TBC1D5: variants seen among roughly 807,000 people sequenced by gnomAD.
TBC1D5 encodes TBC1 domain family member 5, also known as TBC1 domain family, member 5.
In TBC1D5, 75 loss-of-function variants were observed where a neutral mutation model predicts 100.3. That is an observed-to-expected ratio of 0.75 (90% CI 0.62 to 0.91). TBC1D5 has a LOEUF of 0.91. Ranked by LOEUF, TBC1D5 falls within the 40% of genes least tolerant of loss-of-function variation. TBC1D5 has a pLI of 0.00. For synonymous variants in TBC1D5, 323 were observed against 325.6 expected (o/e 0.99, Z 0.09); for missense variants, 910 against 942.4 (o/e 0.97, Z 0.45).
At chr3:17,273,809 CAA>C (rs11450142) in intron 15 of TBC1D5, among the ~76,000 whole-genome samples, 308 of 114,940 alleles carry the variant, frequency 2.7e-3, no homozygotes, top group African/African-American at 8.9e-3. Context: ...CTCTGTATCT[CAA>C]AAAAAAAAAA....
intron 19 of TBC1D5, among the ~76,000 whole-genome samples, chr3:17,176,659 G>C (rs2067773517): frequency 6.6e-6 from 1 of 152,032 alleles, no homozygotes; most frequent in South Asian, 2.1e-4. Context: ...GGAGGGTGAG[G>C]GGCTAGGGAA....
chr3:17,231,076 A>C (rs1323769879), intron 17 of TBC1D5, among the ~76,000 whole-genome samples: 1 of 152,102 alleles, frequency 6.6e-6, no homozygotes, highest in Non-Finnish European at 1.5e-5. Context: ...GAATCCAGAG[A>C]TGTGAAACCC....
chr3:17,327,833 C>T (rs926863746), intron 13 of TBC1D5, among the ~76,000 whole-genome samples: 6 of 151,944 alleles, frequency 3.9e-5, no homozygotes, highest in African/African-American at 9.7e-5. Flanking sequence ...TTTTTTTCCC[C>T]ATTACTGTAA....
intron 16 of TBC1D5, among the ~76,000 whole-genome samples, chr3:17,243,734 T>A (rs1415221465): frequency 1.2e-4 from 19 of 152,006 alleles, no homozygotes; most frequent in Non-Finnish European, 2.8e-4. Flanking sequence ...CTCCCAAACA[T>A]TAATGTTTTG....
chr3:17,455,192 G>GTA (rs906425147), intron 3 of TBC1D5, among the ~76,000 whole-genome samples: 27 of 141,904 alleles, frequency 1.9e-4, no homozygotes, highest in Admixed American at 1.5e-3. Flanking sequence ...ACGTGTGTGT[G>GTA]TATATATATG....
At chr3:17,347,237 T>C (rs569938719) in intron 13 of TBC1D5, among the ~76,000 whole-genome samples, 70 of 152,288 alleles carry the variant, frequency 4.6e-4, no homozygotes, top group Admixed American at 1.1e-3. Flanking sequence ...CAGGGAACAG[T>C]ATTCGTTTTT....
chr3:17,161,099 G>T, exon 22 of TBC1D5: 1 of 1,614,230 alleles, frequency 6.2e-7, no homozygotes, highest in Non-Finnish European at 8.5e-7. Flanking sequence ...GGAGCAGACT[G>T]GGGCCTGGCT....
chr3:17,205,577 C>G (rs1020120917), intron 18 of TBC1D5, among the ~76,000 whole-genome samples: 2 of 152,168 alleles, frequency 1.3e-5, no homozygotes, highest in Non-Finnish European at 2.9e-5. Context: ...ATACTTCAAG[C>G]GTAATTTACC....
At position 17,233,668 on chromosome 3, in the gene TBC1D5, T is replaced by C; in HGVS notation, c.1588+4495A>G. 1 of 1,453,520 alleles carries C rather than the reference T, an allele frequency of 6.9e-7. No individual in the cohort carries two copies. Among genetic ancestry groups the C allele is most frequent in the South Asian group, 1.3e-5 (1 of 77,132 alleles). The allele number at this position is 1,453,520 out of a possible 1,614,324, so 90.0% of individuals were successfully genotyped here. On this transcript the variant is annotated intron_variant, in intron 17 of 21. Transcript: ENST00000253692. ...AGGCAAAGAAAAAGAAACACTATGT[T>C]GTTATGGTAACTGTACCTTGGAGGT... is the stretch of plus-strand genomic sequence containing the variant.
intron 4 of TBC1D5, among the ~76,000 whole-genome samples, chr3:17,411,268 T>A (rs576698043): frequency 4.5e-4 from 69 of 152,252 alleles, no homozygotes; most frequent in African/African-American, 1.6e-3. Flanking sequence ...TATATGCTAT[T>A]GCATACTTAA....
intron 3 of TBC1D5, among the ~76,000 whole-genome samples, chr3:17,452,660 T>C (rs1404399308): frequency 6.6e-6 from 1 of 151,910 alleles, no homozygotes; most frequent in South Asian, 2.1e-4. Context: ...ATCCAACATA[T>C]AAAGCAAATA....
chr3:17,729,016 TAAAAAAAAA>T (rs34461809), intron 1 of TBC1D5, among the ~76,000 whole-genome samples: 2 of 29,604 alleles, frequency 6.8e-5, no homozygotes, highest in African/African-American at 1.1e-4. Context: ...TGAAAATCAG[TAAAAAAAAA>T]AAAAAAAAAA....
chr3:17,224,914 A>G (rs942370560), intron 17 of TBC1D5, among the ~76,000 whole-genome samples: 3 of 152,190 alleles, frequency 2.0e-5, no homozygotes, highest in Non-Finnish European at 4.4e-5. Flanking sequence ...TGGTGGTAGT[A>G]TTAATAAGGA....
chr3:17,597,812 G>A (rs951700408), intron 2 of TBC1D5, among the ~76,000 whole-genome samples: 8 of 152,098 alleles, frequency 5.3e-5, no homozygotes, highest in Non-Finnish European at 8.8e-5. Context: ...GCTCCATGCA[G>A]AACAAAAACT....
intron 15 of TBC1D5, among the ~76,000 whole-genome samples, chr3:17,267,606 T>C (rs772548124): frequency 6.6e-6 from 1 of 152,184 alleles, no homozygotes; most frequent in Non-Finnish European, 1.5e-5. Flanking sequence ...AACAGTTTAA[T>C]CAAGTAACCA....
chr3:17,728,950 G>C (rs1577853440), intron 1 of TBC1D5, among the ~76,000 whole-genome samples: 1 of 135,154 alleles, frequency 7.4e-6, no homozygotes, highest in East Asian at 2.4e-4. Flanking sequence ...ACAATGTTGG[G>C]AATATTTCCA....
In TBC1D5 at chr3:17,386,337, T is replaced by C. The variant is rs1373113785; in HGVS notation, c.510-2322A>G. Among the ~76,000 whole-genome samples, 4 of 152,236 alleles carry C rather than the reference T, an allele frequency of 2.6e-5. 1 individual carries two copies. In the East Asian group the frequency reaches 7.7e-4, roughly 29 times the overall value. ...AGCTGTTATAATCTAAAATTGATTATGAAAGAAAGTACTAAAAACTACTAC... is the reference window on the plus strand; with the variant it reads ...AGCTGTTATAATCTAAAATTGATTACGAAAGAAAGTACTAAAAACTACTAC... On this transcript the variant is annotated intron_variant, in intron 8 of 21. Coordinates refer to ENST00000253692, the Ensembl canonical transcript of TBC1D5.
In TBC1D5 at chr3:17,722,525, T is replaced by G. The variant is rs528259957; in HGVS notation, c.-101+16818A>C. ...GTGTCACATCTGCACTCAAAAAGTT[T>G]TGGATTTTGGATCATTTCAGATTTC... On this transcript the variant is annotated intron_variant, in intron 1 of 21. Coordinates refer to ENST00000253692, the Ensembl canonical transcript of TBC1D5. 6.6e-5 allele frequency among the ~76,000 whole-genome samples: 10 copies of G among 152,344 alleles called. No individual in the cohort carries two copies. In the South Asian group the frequency reaches 2.1e-3, roughly 32 times the overall value.
intron 3 of TBC1D5, 90 bp from the exon 4 acceptor site, chr3:17,428,609 G>A: frequency 1.9e-6 from 1 of 536,664 alleles, no homozygotes; most frequent in Non-Finnish European, 2.9e-6. Flanking sequence ...CAATATATTA[G>A]CCAAAAAGCA....
Sources: allele counts gnomAD v4.1 joint callset (sites outside exome capture counted in the v4.1 genomes callset), GRCh38; gene constraint gnomAD v4.1.1; transcripts MANE v1.5; gene names NCBI Gene and HGNC (gene_info 2026-07-23, HGNC 2026-07-21).